INSM1: variants seen among roughly 807,000 people sequenced by gnomAD.
INSM1 encodes the protein insulinoma-associated protein 1.
Under a neutral mutation model 21.1 loss-of-function variants are expected in INSM1, and 11 were observed. The observed-to-expected ratio is 0.52, with a 90% confidence interval of 0.33 to 0.86. INSM1 has a LOEUF of 0.86. Among genes scored for constraint, INSM1 ranks in the 40% least tolerant of loss-of-function variants. INSM1 has a pLI of 0.03. For missense variants in INSM1, 843 were observed against 760.1 expected, an observed-to-expected ratio of 1.11 and a Z score of -1.28; for synonymous variants, 473 against 386.1, an observed-to-expected ratio of 1.23 and a Z score of -2.64.
In INSM1 at chr20:20,368,308, C is replaced by G; in HGVS notation, c.41C>G (p.Thr14Arg). Reference sequence around the variant, plus strand: ...CTGGTGAAGCGCAGCAAGAAGTCCACGCCCGTTTCCTACCGGGTCCGCGGC... The same window carrying G: ...CTGGTGAAGCGCAGCAAGAAGTCCAGGCCCGTTTCCTACCGGGTCCGCGGC... ...GFLVKRSKKSTPVSYRVRGGE... is the reference protein window; with the variant it reads ...GFLVKRSKKSRPVSYRVRGGE... Residue 14 changes from threonine to arginine, a missense_variant, in exon 1 of 1, where the codon ACG becomes AGG. Transcript: ENST00000310227. This position sits in a 1 kb window ranked among gnomAD's most constrained non-coding sequence, Gnocchi z 4.3. The G allele has an allele frequency of 7.6e-7, 1 of 1,319,674 alleles. No homozygotes were observed. Among genetic ancestry groups the G allele is most frequent in the Admixed American group, 2.4e-5 (1 of 41,280 alleles). The allele number at this position is 1,319,674 out of a possible 1,614,324, so 81.7% of individuals were successfully genotyped here.
In INSM1 at chr20:20,368,452, C is replaced by G. The variant is rs934602091; in HGVS notation, c.185C>G (p.Ala62Gly). Residue 62 changes from alanine to glycine, a missense_variant, in exon 1 of 1, where the codon GCC becomes GGC. Ala to Gly is a moderately conservative substitution (Grantham distance 60, BLOSUM62 0). Coordinates refer to ENST00000310227, the MANE Select transcript of INSM1 (RefSeq NM_002196.3). This position sits in a 1 kb window ranked among gnomAD's most constrained non-coding sequence, Gnocchi z 4.3. Reference protein sequence around the residue: ...PLPPPPPAERAHAALAAALAC... With the variant: ...PLPPPPPAERGHAALAAALAC... ...CCGCCGCCGCCGCCCGCGGAGCGCG[C>G]CCATGCAGCGCTCGCCGCCGCGCTT... 2.0e-6 allele frequency: 2 copies of G among 1,010,938 alleles called. No homozygotes were observed. Among genetic ancestry groups the G allele is most frequent in the African/African-American group, 3.5e-5 (2 of 57,096 alleles). 62.6% of individuals were successfully genotyped at this position (1,010,938 alleles called of 1,614,324 possible).
chr20:20,368,372 C>T lies in INSM1; in HGVS notation c.105C>T (p.Ser35=), dbSNP rs1390171789. The change falls in exon 1 of 1, where the codon AGC becomes AGT. Residue 35 remains serine (S), a synonymous_variant. Coordinates refer to ENST00000310227, the MANE Select transcript of INSM1 (RefSeq NM_002196.3). This position sits in a 1 kb window ranked among gnomAD's most constrained non-coding sequence, Gnocchi z 4.3. ...DGDRALLLSP[S]CGGARAEPPA... The stretch of plus-strand genomic sequence containing the variant: ...ACCGCGCACTGCTGCTCTCGCCCAG[C>T]TGCGGGGGCGCCCGCGCCGAGCCCC... The T allele has an allele frequency of 9.1e-7, 1 of 1,103,898 alleles. No homozygotes were observed. The highest frequency in any genetic ancestry group is 1.1e-6 in the Non-Finnish European group (1 of 901,250). 68.4% of individuals were successfully genotyped at this position (1,103,898 alleles called of 1,614,324 possible).
At position 20,369,080 on chromosome 20, in the gene INSM1, G is replaced by A. The variant is rs755453728; in HGVS notation, c.813G>A (p.Leu271=). ...CGCTGGGCGAGTTCATCTGCCAGCT[G>A]TGCAAGGAGGAGTACGCCGACCCGT... The part of the protein sequence containing the change: ...ARPLGEFICQ[L]CKEEYADPFA... The change falls in exon 1 of 1, where the codon CTG becomes CTA. Residue 271 remains leucine, a synonymous_variant. Coordinates refer to ENST00000310227, the MANE Select transcript of INSM1 (RefSeq NM_002196.3). This position sits in a 1 kb window ranked among gnomAD's most constrained non-coding sequence, Gnocchi z 5.6. 3 of 1,586,618 alleles carry A rather than the reference G, an allele frequency of 1.9e-6. No individual in the cohort carries two copies. The highest frequency in any genetic ancestry group is 2.6e-6 in the Non-Finnish European group (3 of 1,170,730).
In INSM1 at chr20:20,368,780, G is replaced by C; in HGVS notation, c.513G>C (p.Thr171=). 8.9e-7 allele frequency: 1 copy of C among 1,117,450 alleles called. No individual in the cohort carries two copies. The highest frequency in any genetic ancestry group is 1.1e-6 in the Non-Finnish European group (1 of 893,980). The allele number at this position is 1,117,450 out of a possible 1,614,324, so 69.2% of individuals were successfully genotyped here. A position where few individuals can be genotyped will look rare whatever the true frequency, so the allele number is the denominator to read the frequency against. The change falls in exon 1 of 1, where the codon ACG becomes ACC. Residue 171 remains threonine (T), a synonymous_variant. Transcript: ENST00000310227. This position sits in a 1 kb window ranked among gnomAD's most constrained non-coding sequence, Gnocchi z 4.3. ...LFAPAELKMG[T]AFSAGAEAAR... ...CGCCCGCCGAGCTCAAGATGGGCAC[G>C]GCGTTCTCGGCTGGCGCCGAGGCGG...
rs2059484934 is a variant in INSM1 at position 20,368,527 on chromosome 20, A to T, written c.260A>T (p.His87Leu). ...CCCCCGCAGGGCCCGCGGGCCGCGC[A>T]CTTCGGCAACCCCGAGGCTGCGCAC... The part of the protein sequence containing the change: ...QPPPQGPRAA[H>L]FGNPEAAHPA... The change falls in exon 1 of 1, where the codon CAC (histidine) becomes CTC (leucine). Residue 87 changes from histidine (H) to leucine (L), a missense_variant. Coordinates refer to ENST00000310227, the MANE Select transcript of INSM1 (RefSeq NM_002196.3). This position sits in a 1 kb window ranked among gnomAD's most constrained non-coding sequence, Gnocchi z 4.3. 8 of 1,294,216 alleles carry T rather than the reference A, an allele frequency of 6.2e-6. No individual in the cohort carries two copies. Among genetic ancestry groups the T allele is most frequent in the Non-Finnish European group, 8.0e-6 (8 of 1,003,046 alleles). The allele number at this position is 1,294,216 out of a possible 1,614,324, so 80.2% of individuals were successfully genotyped here.
rs906381353 is a variant in INSM1 at position 20,370,040 on chromosome 20, A to G, written c.*240A>G. ...GTCCCTCCGCCTCCCCCATGGCGCA[A>G]CAGGAGTCAGTCTCTTTCTGTACAA... On this transcript the variant is annotated 3_prime_UTR_variant, in exon 1 of 1. Transcript: ENST00000310227. 4 of 516,766 alleles carry G rather than the reference A, an allele frequency of 7.7e-6. No individual in the cohort carries two copies. In the Admixed American group the frequency reaches 1.1e-4, roughly 15 times the overall value. 32.0% of individuals were successfully genotyped at this position (516,766 alleles called of 1,614,324 possible).
chr20:20,368,142 C>G lies in INSM1; in HGVS notation c.-126C>G, dbSNP rs2059482306. On this transcript the variant is annotated 5_prime_UTR_variant, in exon 1 of 1. Coordinates refer to ENST00000310227, the MANE Select transcript of INSM1 (RefSeq NM_002196.3). This position sits in a 1 kb window ranked among gnomAD's most constrained non-coding sequence, Gnocchi z 4.3. ...TGCAGGGCGCAGAGCTGGGCCGAGC[C>G]GTCGCCGGCGCCACGCGAGTCCCGC... 1.0e-5 allele frequency: 7 copies of G among 666,800 alleles called. No individual in the cohort carries two copies. Among genetic ancestry groups the G allele is most frequent in the Non-Finnish European group, 1.3e-5 (7 of 529,184 alleles). The allele number at this position is 666,800 out of a possible 1,614,324, so 41.3% of individuals were successfully genotyped here. A position where few individuals can be genotyped will look rare whatever the true frequency, so the allele number is the denominator to read the frequency against.
chr20:20,370,208 T>C lies in INSM1; in HGVS notation c.*408T>C. ...CTCGCCTACCAATCTCTGCTCTCTATGTATGTAGCGTACGGGTTGTTTTGG... is the reference window on the plus strand; with the variant it reads ...CTCGCCTACCAATCTCTGCTCTCTACGTATGTAGCGTACGGGTTGTTTTGG... On this transcript the variant is annotated 3_prime_UTR_variant, in exon 1 of 1. Coordinates refer to ENST00000310227, the MANE Select transcript of INSM1 (RefSeq NM_002196.3). 5.3e-6 allele frequency: 1 copy of C among 190,226 alleles called. No homozygotes were observed. Among genetic ancestry groups the C allele is most frequent in the Non-Finnish European group, 1.2e-5 (1 of 83,870 alleles). 11.8% of individuals were successfully genotyped at this position (190,226 alleles called of 1,614,324 possible).
In INSM1 at chr20:20,368,420, G is replaced by A; in HGVS notation, c.153G>A (p.Gly51=). ...CCCCGGCGCCGAGCCCGGTCCCCGG[G>A]CCGCTGCCGCCGCCGCCGCCCGCGG... ...AEPPAPSPVP[G]PLPPPPPAER... Residue 51 remains glycine (G), a synonymous_variant, in exon 1 of 1, where the codon GGG becomes GGA. Coordinates refer to ENST00000310227, the MANE Select transcript of INSM1 (RefSeq NM_002196.3). The surrounding 1 kb of genome is among the most constrained non-coding windows in gnomAD (Gnocchi z 4.3). 1 of 988,610 alleles carries A rather than the reference G, an allele frequency of 1.0e-6. No individual in the cohort carries two copies. Among genetic ancestry groups the A allele is most frequent in the African/African-American group, 1.8e-5 (1 of 56,810 alleles). The allele number at this position is 988,610 out of a possible 1,614,324, so 61.2% of individuals were successfully genotyped here.
At position 20,368,666 on chromosome 20, in the gene INSM1, G is replaced by A. The variant is rs772995221; in HGVS notation, c.399G>A (p.Thr133=). The change falls in exon 1 of 1, where the codon ACG becomes ACA. Residue 133 remains threonine, a synonymous_variant. Transcript: ENST00000310227. The surrounding 1 kb of genome is among the most constrained non-coding windows in gnomAD (Gnocchi z 4.3). Reference sequence around the variant, plus strand: ...CGGTCTCGGCCGAGTCCTTCCCCACGCCCGCCGCGCTGCTCGGAGGGGGCG... The same window carrying A: ...CGGTCTCGGCCGAGTCCTTCCCCACACCCGCCGCGCTGCTCGGAGGGGGCG... ...GSPVSAESFP[T]PAALLGGGGG... The A allele has an allele frequency of 8.6e-6, 12 of 1,397,620 alleles. No individual in the cohort carries two copies. The highest frequency in any genetic ancestry group is 1.4e-5 in the South Asian group (1 of 69,226). The allele number at this position is 1,397,620 out of a possible 1,614,324, so 86.6% of individuals were successfully genotyped here. A position where few individuals can be genotyped will look rare whatever the true frequency, so the allele number is the denominator to read the frequency against.
chr20:20,368,903 C>A lies in INSM1; in HGVS notation c.636C>A (p.Ala212=), dbSNP rs747698820. 7 of 1,495,984 alleles carry A rather than the reference C, an allele frequency of 4.7e-6. 1 individual carries two copies. Among genetic ancestry groups the A allele is most frequent in the Middle Eastern group, 4.4e-4 (2 of 4,502 alleles). The allele number at this position is 1,495,984 out of a possible 1,614,324, so 92.7% of individuals were successfully genotyped here. The stretch of plus-strand genomic sequence containing the variant: ...CCCCTACCGCCGCGGAGCCGCCCGC[C>A]AAGGCAGTCAAGGCCCCGGGCGCCA... ...PPPPTAAEPP[A]KAVKAPGAKK... The change falls in exon 1 of 1, where the codon GCC becomes GCA. Residue 212 remains alanine (A), a synonymous_variant. Transcript: ENST00000310227. This position sits in a 1 kb window ranked among gnomAD's most constrained non-coding sequence, Gnocchi z 4.3.
At position 20,368,188 on chromosome 20, in the gene INSM1, G is replaced by C; in HGVS notation, c.-80G>C. 1 of 998,980 alleles carries C rather than the reference G, an allele frequency of 1.0e-6. No individual in the cohort carries two copies. Among genetic ancestry groups the C allele is most frequent in the African/African-American group, 1.7e-5 (1 of 57,424 alleles). The allele number at this position is 998,980 out of a possible 1,614,324, so 61.9% of individuals were successfully genotyped here. A position where few individuals can be genotyped will look rare whatever the true frequency, so the allele number is the denominator to read the frequency against. On this transcript the variant is annotated 5_prime_UTR_variant, in exon 1 of 1. An upstream start codon of the reference 5' UTR is lost. Coordinates refer to ENST00000310227, the MANE Select transcript of INSM1 (RefSeq NM_002196.3). This position sits in a 1 kb window ranked among gnomAD's most constrained non-coding sequence, Gnocchi z 4.3. ...CCCGCAGCCGCCGCGCCCGGGCAAT[G>C]GGCCGGGGGCACTGAGGGCCGCCGG...
Position 20,369,525 on chromosome 20 carries a change from C to G in INSM1, c.1258C>G (p.Gln420Glu). 6.4e-7 allele frequency: 1 copy of G among 1,557,070 alleles called. No homozygotes were observed. The highest frequency in any genetic ancestry group is 1.2e-5 in the South Asian group (1 of 85,790). ...CCCCGGGCCCGACGAGAAGGCGCCC[C>G]AGGAGGCGGCCGGCGACGGCGAGGG... ...LYPGPDEKAP[Q>E]EAAGDGEGAG... Residue 420 changes from glutamine to glutamate, a missense_variant, in exon 1 of 1, where the codon CAG becomes GAG. Coordinates refer to ENST00000310227, the MANE Select transcript of INSM1 (RefSeq NM_002196.3). This position sits in a 1 kb window ranked among gnomAD's most constrained non-coding sequence, Gnocchi z 5.6.
At position 20,368,628 on chromosome 20, in the gene INSM1, A is replaced by C; in HGVS notation, c.361A>C (p.Asn121His). 4.1e-6 allele frequency: 6 copies of C among 1,457,316 alleles called. No homozygotes were observed. The highest frequency in any genetic ancestry group is 5.5e-6 in the Non-Finnish European group (6 of 1,091,050). 90.3% of individuals were successfully genotyped at this position (1,457,316 alleles called of 1,614,324 possible). Residue 121 changes from asparagine (N) to histidine (H), a missense_variant, in exon 1 of 1, where the codon AAC becomes CAC. Asn to His is a moderately conservative substitution (Grantham distance 68). Transcript: ENST00000310227. The surrounding 1 kb of genome is among the most constrained non-coding windows in gnomAD (Gnocchi z 4.3). The part of the protein sequence containing the change: ...EKHKYFERSF[N>H]LGSPVSAESF... ...GCACAAGTACTTCGAACGCAGCTTC[A>C]ACCTGGGCTCGCCGGTCTCGGCCGA... is the stretch of plus-strand genomic sequence containing the variant.
Position 20,369,046 on chromosome 20 carries a change from C to G in INSM1, c.779C>G (p.Ala260Gly). The G allele has an allele frequency of 6.5e-7, 1 of 1,548,840 alleles. No homozygotes were observed. Among genetic ancestry groups the G allele is most frequent in the Non-Finnish European group, 8.7e-7 (1 of 1,154,624 alleles). The change falls in exon 1 of 1, where the codon GCG becomes GGG. Residue 260 changes from alanine to glycine, a missense_variant. Transcript: ENST00000310227. The surrounding 1 kb of genome is among the most constrained non-coding windows in gnomAD (Gnocchi z 5.6). ...GCGCCGCGGGGCCGCGCGGGGGGCG[C>G]GGCGCGGCCGCTGGGCGAGTTCATC... ...VEAPRGRAGG[A>G]ARPLGEFICQ...
chr20:20,368,471 C>A lies in INSM1; in HGVS notation c.204C>A (p.Ala68=). ...AGCGCGCCCATGCAGCGCTCGCCGC[C>A]GCGCTTGCCTGCGCGCCTGGGCCGC... is the stretch of plus-strand genomic sequence containing the variant. The part of the protein sequence containing the change: ...PAERAHAALA[A]ALACAPGPQP... The change falls in exon 1 of 1, where the codon GCC becomes GCA. Residue 68 remains alanine (A), a synonymous_variant. Coordinates refer to ENST00000310227, the MANE Select transcript of INSM1 (RefSeq NM_002196.3). This position sits in a 1 kb window ranked among gnomAD's most constrained non-coding sequence, Gnocchi z 4.3. The A allele has an allele frequency of 9.3e-7, 1 of 1,078,696 alleles. No homozygotes were observed. The highest frequency in any genetic ancestry group is 4.1e-5 in the South Asian group (1 of 24,140). 66.8% of individuals were successfully genotyped at this position (1,078,696 alleles called of 1,614,324 possible).
At position 20,368,564 on chromosome 20, in the gene INSM1, C is replaced by G; in HGVS notation, c.297C>G (p.Leu99=). 1.4e-6 allele frequency: 2 copies of G among 1,434,828 alleles called. No homozygotes were observed. The highest frequency in any genetic ancestry group is 1.9e-6 in the Non-Finnish European group (2 of 1,079,170). 88.9% of individuals were successfully genotyped at this position (1,434,828 alleles called of 1,614,324 possible). A position where few individuals can be genotyped will look rare whatever the true frequency, so the allele number is the denominator to read the frequency against. ...CCGAGGCTGCGCACCCCGCGCCGCT[C>G]TACAGTCCCACGCGGCCCGTGAGCC... ...GNPEAAHPAP[L]YSPTRPVSRE... Residue 99 remains leucine, a synonymous_variant, in exon 1 of 1, where the codon CTC becomes CTG. Transcript: ENST00000310227. This position sits in a 1 kb window ranked among gnomAD's most constrained non-coding sequence, Gnocchi z 4.3.
At position 20,368,643 on chromosome 20, in the gene INSM1, G is replaced by C; in HGVS notation, c.376G>C (p.Val126Leu). 6.9e-7 allele frequency: 1 copy of C among 1,441,692 alleles called. No individual in the cohort carries two copies. Among genetic ancestry groups the C allele is most frequent in the South Asian group, 1.3e-5 (1 of 76,404 alleles). 89.3% of individuals were successfully genotyped at this position (1,441,692 alleles called of 1,614,324 possible). The change falls in exon 1 of 1, where the codon GTC becomes CTC. Residue 126 changes from valine (V) to leucine (L), a missense_variant. Coordinates refer to ENST00000310227, the MANE Select transcript of INSM1 (RefSeq NM_002196.3). The surrounding 1 kb of genome is among the most constrained non-coding windows in gnomAD (Gnocchi z 4.3). ...FERSFNLGSP[V>L]SAESFPTPAA... is the part of the protein sequence containing the mutation. Reference sequence around the variant, plus strand: ...ACGCAGCTTCAACCTGGGCTCGCCGGTCTCGGCCGAGTCCTTCCCCACGCC... The same window carrying C: ...ACGCAGCTTCAACCTGGGCTCGCCGCTCTCGGCCGAGTCCTTCCCCACGCC...
At position 20,369,669 on chromosome 20, in the gene INSM1, G is replaced by A. The variant is rs1442987735; in HGVS notation, c.1402G>A (p.Val468Met). ...RHLRLLHAAQ[V>M]FPCKYCPATF... Reference sequence around the variant, plus strand: ...CCTGCGCCTGCTGCACGCCGCCCAGGTGTTCCCCTGCAAGTACTGCCCGGC... The same window carrying A: ...CCTGCGCCTGCTGCACGCCGCCCAGATGTTCCCCTGCAAGTACTGCCCGGC... Residue 468 changes from valine to methionine, a missense_variant, in exon 1 of 1, where the codon GTG becomes ATG. Val to Met is a conservative substitution (Grantham distance 21). Transcript: ENST00000310227. This position sits in a 1 kb window ranked among gnomAD's most constrained non-coding sequence, Gnocchi z 5.6. 2.5e-6 allele frequency: 4 copies of A among 1,600,624 alleles called. No homozygotes were observed. The South Asian group carries it at 3.3e-5, about 13-fold the overall frequency.
Sources: allele counts gnomAD v4.1 joint callset, GRCh38; gene constraint gnomAD v4.1.1; non-coding constraint Gnocchi (gnomAD v3.1); transcripts MANE v1.5; gene names NCBI Gene and HGNC (gene_info 2026-07-23, HGNC 2026-07-21).